Variants in AR observed in about 807,000 individuals in gnomAD.
The protein encoded by AR is androgen receptor.
A neutral mutation model predicts 53.9 loss-of-function variants in AR; 8 were observed. The observed-to-expected ratio is 0.15, with a 90% CI of 0.09 to 0.27. AR has a LOEUF of 0.27. Among genes scored for constraint, AR ranks in the 10% least tolerant of loss-of-function variants. The probability of loss-of-function intolerance (pLI) is 1.00; values close to 1 mark genes in which losing one functional copy is unlikely to be tolerated. For synonymous variants in AR, 359 were observed against 316.4 expected, an observed-to-expected ratio of 1.13 and a Z score of -1.43; for missense variants, 639 against 742.5, an observed-to-expected ratio of 0.86 and a Z score of 1.62.
intron 2 of AR, among the ~76,000 whole-genome samples, chrX:67,664,434 A>G (rs1210882766): frequency 1.8e-5 from 2 of 111,777 alleles, no homozygotes; most frequent in African/African-American, 3.3e-5. Flanking sequence ...AACAGTGGAT[A>G]TTGGTGAACA....
At chrX:67,575,334 A>G (rs1455395772) in intron 1 of AR, among the ~76,000 whole-genome samples, 1 of 111,778 alleles carries the variant, frequency 8.9e-6, no homozygotes, top group Non-Finnish European at 1.9e-5. Flanking sequence ...TCCCCCTGAC[A>G]ATTATAGAGG....
At chrX:67,675,983 C>A (rs991213100) in intron 2 of AR, among the ~76,000 whole-genome samples, 3 of 111,684 alleles carry the variant, frequency 2.7e-5, no homozygotes, top group African/African-American at 6.5e-5. Context: ...TTAGAAAATT[C>A]ATTTGACCCT....
chrX:67,546,613 G>T lies in AR; in HGVS notation c.1467G>T (p.Gly489=), dbSNP rs1052091060. The T allele has an allele frequency of 5.9e-6, 7 of 1,186,512 alleles. No homozygotes were observed. In the African/African-American group the frequency reaches 1.2e-4, roughly 21 times the overall value. The change falls in exon 1 of 8, where the codon GGG becomes GGT. Residue 489 remains glycine, a synonymous_variant. Transcript: ENST00000374690. Reference sequence around the variant, plus strand: ...ACGGCTACACTCGGCCCCCTCAGGGGCTGGCGGGCCAGGAAAGCGACTTCA... The same window carrying T: ...ACGGCTACACTCGGCCCCCTCAGGGTCTGGCGGGCCAGGAAAGCGACTTCA... ...APYGYTRPPQ[G]LAGQESDFTA...
chrX:67,545,316 T>A lies in AR; in HGVS notation c.170T>A (p.Leu57Gln), dbSNP rs78686797. 8.2e-4 allele frequency: 820 copies of A among 1,003,134 alleles called. 2 individuals are homozygous for A. The highest frequency in any genetic ancestry group is 4.5e-3 in the East Asian group (136 of 30,221). 82.7% of individuals were successfully genotyped at this position (1,003,134 alleles called of 1,213,427 possible). A position where few individuals can be genotyped will look rare whatever the true frequency, so the allele number is the denominator to read the frequency against. ...CCTCCCGGCGCCAGTTTGCTGCTGCTGCAGCAGCAGCAGCAGCAGCAGCAG... is the reference window on the plus strand; with the variant it reads ...CCTCCCGGCGCCAGTTTGCTGCTGCAGCAGCAGCAGCAGCAGCAGCAGCAG... Reference protein sequence around the residue: ...AAPPGASLLLLQQQQQQQQQQ... With the variant: ...AAPPGASLLLQQQQQQQQQQQ... Residue 57 changes from leucine (L) to glutamine (Q), a missense_variant, in exon 1 of 8, where the codon CTG becomes CAG. By Grantham distance (113) the Leu-to-Gln change is moderately radical (BLOSUM62 -2). Transcript: ENST00000374690.
intron 6 of AR, 149 bp from the exon 7 acceptor site, chrX:67,722,678 A>C: frequency 3.1e-6 from 2 of 641,868 alleles, no homozygotes; most frequent in East Asian, 7.1e-5. Flanking sequence ...TGAAGGCCCC[A>C]AGCACACAGA....
In AR at chrX:67,569,212, TG is replaced by T. The variant is rs377337049; in HGVS notation, c.1616+22459del. On this transcript the variant is annotated intron_variant, in intron 1 of 7. Transcript: ENST00000374690. ...TAGTGTGGGTGGGGGATTTTGTGTG[TG>T]GGGGGGGGTTGGGGGTTGAGCAATT... Among the ~76,000 whole-genome samples, 137 of 17,703 alleles carry T rather than the reference TG, an allele frequency of 7.7e-3. 1 individual carries two copies. Among genetic ancestry groups the T allele is most frequent in the African/African-American group, 0.018 (97 of 5,272 alleles). 15.4% of individuals were successfully genotyped at this position (17,703 alleles called of 115,157 possible).
At chrX:67,712,753 C>A (rs1405967996) in intron 4 of AR, among the ~76,000 whole-genome samples, 1 of 112,063 alleles carries the variant, frequency 8.9e-6, no homozygotes, top group African/African-American at 3.2e-5. Context: ...TTCTCCTAAT[C>A]CTGCAATTAT....
At chrX:67,669,896 T>G (rs1602241822) in intron 2 of AR, among the ~76,000 whole-genome samples, 1 of 109,664 alleles carries the variant, frequency 9.1e-6, no homozygotes, top group Non-Finnish European at 1.9e-5. Flanking sequence ...ATGAAATATC[T>G]TTTTCATTCC....
chrX:67,729,950 A>G lies in AR; in HGVS notation c.*6109A>G. On this transcript the variant is annotated 3_prime_UTR_variant, in exon 8 of 8. Transcript: ENST00000374690. ...TATCCCATAAGCCACTTGGATGCTG[A>G]CAGCAGCCACCATCAGAATGACCCA... The G allele has an allele frequency of 5.8e-6, 1 of 173,588 alleles. No homozygotes were observed. Among genetic ancestry groups the G allele is most frequent in the Non-Finnish European group, 1.1e-5 (1 of 90,833 alleles). 14.3% of individuals were successfully genotyped at this position (173,588 alleles called of 1,213,427 possible).
chrX:67,556,654 C>T (rs1921066826), intron 1 of AR, among the ~76,000 whole-genome samples: 1 of 111,746 alleles, frequency 8.9e-6, no homozygotes, highest in Non-Finnish European at 1.9e-5. Context: ...ATGAAAAGTG[C>T]CATGCAGAAT....
chrX:67,648,734 A>G (rs1569294560), intron 2 of AR, among the ~76,000 whole-genome samples: 3 of 112,222 alleles, frequency 2.7e-5, no homozygotes. Context: ...TTTATGAAAC[A>G]GGGATTAATA....
chrX:67,682,983 ACATGTGT>A (rs1200465676), intron 2 of AR, among the ~76,000 whole-genome samples: 2 of 112,378 alleles, frequency 1.8e-5, no homozygotes, highest in Non-Finnish European at 3.8e-5. Flanking sequence ...TTGAAGGAAC[ACATGTGT>A]CATGTGTACC....
At chrX:67,558,166 C>T (rs771616734) in intron 1 of AR, among the ~76,000 whole-genome samples, 4 of 111,524 alleles carry the variant, frequency 3.6e-5, no homozygotes, top group Admixed American at 2.8e-4. Flanking sequence ...AAGGGTTAGT[C>T]GTATGTTGTT....
Position 67,708,364 on chromosome X carries a change from A to G in AR, c.1886-3038A>G, listed in dbSNP as rs759839182. 1.9e-3 allele frequency among the ~76,000 whole-genome samples: 214 copies of G among 110,173 alleles called. 6 individuals are homozygous for G. In the East Asian group the frequency reaches 0.055, roughly 29 times the overall value. On this transcript the variant is annotated intron_variant, in intron 3 of 7. Coordinates refer to ENST00000374690, the MANE Select transcript of AR (RefSeq NM_000044.6). Reference sequence around the variant, plus strand: ...TTCTTTTTACTCTTTTTTTCTCTAAACTTCTCTTCTCGCTTCATTTCATTC... The same window carrying G: ...TTCTTTTTACTCTTTTTTTCTCTAAGCTTCTCTTCTCGCTTCATTTCATTC...
chrX:67,638,877 T>C (rs1406617288), intron 1 of AR, among the ~76,000 whole-genome samples: 5 of 111,981 alleles, frequency 4.5e-5, no homozygotes, highest in African/African-American at 1.6e-4. Context: ...TTGCTTTTGG[T>C]GTTTTAGTCA....
At chrX:67,720,680 A>T (rs770281980) in intron 5 of AR, among the ~76,000 whole-genome samples, 1 of 111,323 alleles carries the variant, frequency 9.0e-6, no homozygotes, top group Admixed American at 9.5e-5. Context: ...GACAGCCAAG[A>T]TCTCTCTGAG....
At chrX:67,697,528 A>G (rs762638917) in intron 3 of AR, among the ~76,000 whole-genome samples, 32 of 111,506 alleles carry the variant, frequency 2.9e-4, no homozygotes, top group Non-Finnish European at 5.3e-4. Context: ...GTTGCCCAAC[A>G]TGGAAGGTTA....
intron 1 of AR, among the ~76,000 whole-genome samples, chrX:67,547,439 T>C (rs1166086784): frequency 9.0e-6 from 1 of 111,668 alleles, no homozygotes; most frequent in Non-Finnish European, 1.9e-5. Flanking sequence ...TGGTAAAGAC[T>C]TCACAGGATT....
intron 1 of AR, among the ~76,000 whole-genome samples, chrX:67,581,918 A>G: frequency 8.9e-6 from 1 of 111,753 alleles, no homozygotes; most frequent in African/African-American, 3.2e-5. Context: ...AGTTACTGGA[A>G]TGAGTGCCAG....
Sources: allele counts gnomAD v4.1 joint callset (sites outside exome capture counted in the v4.1 genomes callset), GRCh38; gene constraint gnomAD v4.1.1; transcripts MANE v1.5; gene names NCBI Gene and HGNC (gene_info 2026-07-23, HGNC 2026-07-21).